Variants in LYST observed in about 807,000 individuals in gnomAD.
The protein encoded by LYST is lysosomal trafficking regulator, also known as lysosomal-trafficking regulator.
Under a neutral mutation model 413.6 loss-of-function variants are expected in LYST, and 192 were observed. That is an observed-to-expected ratio of 0.46 (90% CI 0.41 to 0.52). The LOEUF (loss-of-function observed/expected upper bound fraction) is 0.52, where lower values mean the gene tolerates loss of function less well. Among genes scored for constraint, LYST ranks in the 20% least tolerant of loss-of-function variants. The probability of loss-of-function intolerance (pLI) is 0.00; values close to 1 mark genes in which losing one functional copy is unlikely to be tolerated. For synonymous variants in LYST, 1,525 were observed against 1,567.3 expected (o/e 0.97, Z 0.64); for missense variants, 3,815 against 4,499.9 (o/e 0.85, Z 4.35).
rs764390767 is a variant in LYST, at chr1:235,720,716, T to C, written c.9505A>G (p.Ile3169Val). ...GTCTCACTAACGTAGTCAGCAAGTATAAATGGGAACACAGGATACTGCATG... is the reference window on the plus strand; with the variant it reads ...GTCTCACTAACGTAGTCAGCAAGTACAAATGGGAACACAGGATACTGCATG... The part of the protein sequence containing the change: ...DLMQYPVFPF[I>V]LADYVSETLD... Residue 3169 changes from isoleucine (I) to valine (V), a missense_variant, in exon 40 of 53, where the codon ATA (isoleucine) becomes GTA (valine). Ile to Val is a conservative substitution (Grantham distance 29, BLOSUM62 3). Around this residue, in one of 4 missense-constraint regions of LYST, gnomAD observed 866 missense variants for 1,156.0 expected, o/e 0.75. Coordinates refer to ENST00000389793, the MANE Select transcript of LYST (RefSeq NM_000081.4). 6.2e-7 allele frequency: 1 copy of C among 1,613,768 alleles called. No homozygotes were observed. Among genetic ancestry groups the C allele is most frequent in the Admixed American group, 1.7e-5 (1 of 60,020 alleles).
At chr1:235,743,318 T>G (rs1665599708) in intron 30 of LYST, among the ~76,000 whole-genome samples, 1 of 152,158 alleles carries the variant, frequency 6.6e-6, no homozygotes, top group African/African-American at 2.4e-5. Context: ...AAGGGCCCTG[T>G]TTGAGTGACT....
At chr1:235,781,885 C>G in intron 15 of LYST, 42 bp downstream of exon 15, 3 of 1,343,810 alleles carry the variant, frequency 2.2e-6, no homozygotes, top group Non-Finnish European at 3.2e-6. Flanking sequence ...CTCACTCTGT[C>G]GCCCAGGCTG....
intron 16 of LYST, among the ~76,000 whole-genome samples, chr1:235,780,601 T>C (rs1669759270): frequency 6.6e-6 from 1 of 152,010 alleles, no homozygotes; most frequent in South Asian, 2.1e-4. Flanking sequence ...GAATAATTAG[T>C]AGGTATAAAA....
chr1:235,872,295 C>CAAA (rs3077214), intron 1 of LYST, among the ~76,000 whole-genome samples: 1 of 107,676 alleles, frequency 9.3e-6, no homozygotes, highest in Non-Finnish European at 1.9e-5. Context: ...CATTCTGTCT[C>CAAA]AAAAAAAAAA....
At chr1:235,818,725 T>C (rs192000901) in intron 3 of LYST, among the ~76,000 whole-genome samples, 185 of 152,284 alleles carry the variant, frequency 1.2e-3, no homozygotes, top group African/African-American at 4.3e-3. Flanking sequence ...GGTGAACTAA[T>C]AGCATTCTAA....
At chr1:235,828,671 T>C (rs190103153) in intron 3 of LYST, 5 of 549,754 alleles carry the variant, frequency 9.1e-6, no homozygotes, top group East Asian at 2.9e-4. Flanking sequence ...ATATTTACTA[T>C]TACTGATGCT....
intron 47 of LYST, among the ~76,000 whole-genome samples, chr1:235,692,441 C>A (rs995109112): frequency 6.6e-6 from 1 of 151,642 alleles, no homozygotes; most frequent in South Asian, 2.1e-4. Context: ...AATGCAATGG[C>A]GTGATCTTGG....
chr1:235,758,665 G>C (rs1331023522), intron 23 of LYST, among the ~76,000 whole-genome samples: 1 of 152,150 alleles, frequency 6.6e-6, no homozygotes, highest in Non-Finnish European at 1.5e-5. Flanking sequence ...CAAAGCTCTA[G>C]ATAAATCCTA....
chr1:235,676,012 C>G (rs993105954), intron 50 of LYST, among the ~76,000 whole-genome samples: 9 of 152,170 alleles, frequency 5.9e-5, no homozygotes, highest in Non-Finnish European at 1.3e-4. Flanking sequence ...TTCAGAGGAT[C>G]CTTTGCATCT....
intron 11 of LYST, among the ~76,000 whole-genome samples, chr1:235,792,658 T>C (rs1222445976): frequency 6.7e-6 from 1 of 149,110 alleles, no homozygotes; most frequent in Non-Finnish European, 1.5e-5. Context: ...ATTTGTTTCA[T>C]GTTTAGATTT....
Position 235,809,727 on chromosome 1 carries a change from C to T in LYST, c.1091G>A (p.Arg364Lys). ...GTCAGGCTGCTTTTCTAGGCATATT[C>T]TAATTTTTAAAGCTGCTCTAAGCAA... ...TELLRAALKI[R>K]ICLEKQPDPF... is the part of the protein sequence containing the mutation. The change falls in exon 5 of 53, where the codon AGA becomes AAA. Residue 364 changes from arginine to lysine, a missense_variant. Coordinates refer to ENST00000389793, the MANE Select transcript of LYST (RefSeq NM_000081.4). This position sits in a 1 kb window ranked among gnomAD's most constrained non-coding sequence, Gnocchi z 4.0. 1 of 1,613,764 alleles carries T rather than the reference C, an allele frequency of 6.2e-7. No individual in the cohort carries two copies. The highest frequency in any genetic ancestry group is 8.5e-7 in the Non-Finnish European group (1 of 1,179,840).
intron 20 of LYST, among the ~76,000 whole-genome samples, chr1:235,768,651 A>G (rs1428304507): frequency 1.3e-5 from 2 of 152,114 alleles, no homozygotes; most frequent in Non-Finnish European, 2.9e-5. Flanking sequence ...TTTGTAAATA[A>G]TACAAAAGTG....
At position 235,791,685 on chromosome 1, in the gene LYST, T is replaced by C. The variant is rs760385685; in HGVS notation, c.4543+14A>G. ...CAATCTTTGTGTACAAATCAGATAA[T>C]CCTGTCATCATACCTGTACCATCAA... On this transcript the variant is annotated intron_variant, in intron 12 of 52. Transcript: ENST00000389793. 6.3e-7 allele frequency: 1 copy of C among 1,594,258 alleles called. No individual in the cohort carries two copies. The highest frequency in any genetic ancestry group is 8.6e-7 in the Non-Finnish European group (1 of 1,165,064).
Position 235,759,559 on chromosome 1 carries a change from G to A in LYST, c.6294C>T (p.Ala2098=). 1 of 1,613,586 alleles carries A rather than the reference G, an allele frequency of 6.2e-7. No individual in the cohort carries two copies. The highest frequency in any genetic ancestry group is 8.5e-7 in the Non-Finnish European group (1 of 1,179,628). ...SSNIIPQQMA[A]HMLRSRSLPA... The stretch of plus-strand genomic sequence containing the variant: ...GTAGGCTTCTAGAACGCAGCATATG[G>A]GCGGCCATCTGTTGTGGAATAATAT... Residue 2098 remains alanine (A), a synonymous_variant, in exon 23 of 53, where the codon GCC becomes GCT. Transcript: ENST00000389793.
At chr1:235,712,022 C>T in intron 43 of LYST, 35 bp downstream of exon 43, 1 of 1,479,462 alleles carries the variant, frequency 6.8e-7, no homozygotes, top group Non-Finnish European at 9.1e-7. Context: ...CACAAGCCCT[C>T]AGAAATATAA....
At chr1:235,869,682 GAC>G (rs1680845569), upstream of LYST, among the ~76,000 whole-genome samples, 2 of 152,116 alleles carry the variant, frequency 1.3e-5, no homozygotes, top group African/African-American at 4.8e-5. Context: ...AATTATTTGT[GAC>G]TAAATGGATA....
intron 2 of LYST, among the ~76,000 whole-genome samples, chr1:235,831,021 A>G (rs1675913609): frequency 6.6e-6 from 1 of 152,232 alleles, no homozygotes; most frequent in South Asian, 2.1e-4. Flanking sequence ...AGCAAACAGA[A>G]TAGGGGAACA....
In LYST at chr1:235,781,000, A is replaced by G; in HGVS notation, c.5079T>C (p.His1693=). 5 of 1,611,962 alleles carry G rather than the reference A, an allele frequency of 3.1e-6. No homozygotes were observed. Among genetic ancestry groups the G allele is most frequent in the Non-Finnish European group, 4.2e-6 (5 of 1,178,590 alleles). Residue 1693 remains histidine (H), a synonymous_variant, in exon 16 of 53, where the codon CAT becomes CAC. Transcript: ENST00000389793. ...CATACTTACATGGCATTACAGATGT[A>G]TGGTTGGGTCCACAAGCATACAGAT... ...AFYLYACGPN[H]TSVMPCKYGK...
At chr1:235,827,634 A>G (rs1365119904) in intron 3 of LYST, 2 of 984,650 alleles carry the variant, frequency 2.0e-6, no homozygotes, top group East Asian at 1.1e-4. Flanking sequence ...ATAAAGGCCT[A>G]TGTTTTAAAT....
Sources: allele counts gnomAD v4.1 joint callset (sites outside exome capture counted in the v4.1 genomes callset), GRCh38; gene constraint gnomAD v4.1.1; regional missense constraint gnomAD v4.1.1; non-coding constraint Gnocchi (gnomAD v3.1); transcripts MANE v1.5; gene names NCBI Gene and HGNC (gene_info 2026-07-23, HGNC 2026-07-21).